SS18L1: variants seen among roughly 807,000 people sequenced by gnomAD.
SS18L1 encodes the protein calcium-responsive transactivator.
A neutral mutation model predicts 70.3 loss-of-function variants in SS18L1; 32 were observed. The observed-to-expected ratio is 0.46, with a 90% CI of 0.34 to 0.61. The LOEUF (loss-of-function observed/expected upper bound fraction) is 0.61, where lower values mean the gene tolerates loss of function less well. SS18L1 is among the 20% of genes least tolerant of loss of function. The pLI is 0.01. For synonymous variants in SS18L1, 237 were observed against 229.7 expected (o/e 1.03, Z -0.29); for missense variants, 430 against 542.1 (o/e 0.79, Z 2.05).
intron 1 of SS18L1, among the ~76,000 whole-genome samples, chr20:62,150,832 C>G (rs113437496): frequency 6.7e-6 from 1 of 150,294 alleles, no homozygotes. Flanking sequence ...TGTGGAGCAG[C>G]GGGAGCGAAA....
intron 7 of SS18L1, 128 bp from the exon 8 acceptor site, chr20:62,165,294 C>T (rs1164815386): frequency 1.2e-5 from 10 of 850,792 alleles, no homozygotes; most frequent in African/African-American, 6.7e-5. Flanking sequence ...TTGGGGAACA[C>T]GGGTCCTGCC....
At chr20:62,160,053 A>G in intron 3 of SS18L1, 92 bp downstream of exon 3, 2 of 1,337,964 alleles carry the variant, frequency 1.5e-6, no homozygotes, top group Non-Finnish European at 2.0e-6. Context: ...CTCAGGTAGC[A>G]AAGATGACTC....
At chr20:62,147,940 G>A (rs1165490090) in intron 1 of SS18L1, among the ~76,000 whole-genome samples, 1 of 152,174 alleles carries the variant, frequency 6.6e-6, no homozygotes, top group Non-Finnish European at 1.5e-5. Context: ...CACCCTGTGT[G>A]CTCCCTCAGA....
rs1321800741 is a variant in SS18L1 at position 62,159,877 on chromosome 20, G to A, written c.147G>A (p.Gln49=). ...QSKGKTAECT[Q]YQQILHRNLV... Reference sequence around the variant, plus strand: ...CTCATGCGTGCCCCCTCTCCTGCAGGTACCAGCAGATCCTGCACCGGAACC... The same window carrying A: ...CTCATGCGTGCCCCCTCTCCTGCAGATACCAGCAGATCCTGCACCGGAACC... Residue 49 remains glutamine (Q), a splice_region_variant and synonymous_variant, in exon 3 of 11, where the codon CAG becomes CAA. Transcript: ENST00000331758. This position sits in a 1 kb window ranked among gnomAD's most constrained non-coding sequence, Gnocchi z 4.4. 2.5e-6 allele frequency: 4 copies of A among 1,612,340 alleles called. No homozygotes were observed. Among genetic ancestry groups the A allele is most frequent in the Non-Finnish European group, 1.7e-6 (2 of 1,179,802 alleles).
At chr20:62,165,737 AGCCG>A (rs2057417316) in intron 8 of SS18L1, among the ~76,000 whole-genome samples, 1 of 151,724 alleles carries the variant, frequency 6.6e-6, no homozygotes, top group African/African-American at 2.4e-5. Flanking sequence ...GAAAGGATTC[AGCCG>A]GCCATGCTGG....
Position 62,174,522 on chromosome 20 carries a change from G to A in SS18L1, c.1042G>A (p.Ala348Thr). 3 of 1,613,976 alleles carry A rather than the reference G, an allele frequency of 1.9e-6. No homozygotes were observed. The highest frequency in any genetic ancestry group is 2.5e-6 in the Non-Finnish European group (3 of 1,179,984). The change falls in exon 10 of 11, where the codon GCC becomes ACC. Residue 348 changes from alanine to threonine, a missense_variant. Ala to Thr is a moderately conservative substitution (Grantham distance 58). Coordinates refer to ENST00000331758, the MANE Select transcript of SS18L1 (RefSeq NM_198935.3). This position sits in a 1 kb window ranked among gnomAD's most constrained non-coding sequence, Gnocchi z 4.1. ...GGTTCCTGGTGTCTTCTCAGGGTCT[G>A]CCCAGGGAGCCCCGTCACAGTACCC... is the stretch of plus-strand genomic sequence containing the variant. ...YPGQQQGYGS[A>T]QGAPSQYPGY...
intron 1 of SS18L1, among the ~76,000 whole-genome samples, chr20:62,154,892 G>A (rs1386920540): frequency 3.9e-5 from 6 of 152,128 alleles, no homozygotes; most frequent in African/African-American, 1.2e-4. Context: ...TTTTCACCTC[G>A]GTCGATCCGT....
chr20:62,171,761 G>A (rs1439858453), intron 8 of SS18L1, among the ~76,000 whole-genome samples: 1 of 152,260 alleles, frequency 6.6e-6, no homozygotes, highest in Non-Finnish European at 1.5e-5. Context: ...GCTTACGCCT[G>A]TAATCCCAGC....
chr20:62,164,243 G>A lies in SS18L1; in HGVS notation c.820G>A (p.Asp274Asn), dbSNP rs370493990. Residue 274 changes from aspartate (D) to asparagine (N), a missense_variant, in exon 7 of 11, where the codon GAC becomes AAC. Physicochemically the swap from Asp to Asn is conservative, Grantham distance 23. Transcript: ENST00000331758. ...AEPMGQQYYPDGHGDYAYQQS... is the reference protein window; with the variant it reads ...AEPMGQQYYPNGHGDYAYQQS... ...GCCCATGGGCCAGCAGTACTACCCC[G>A]ACGGTGAGCACTGGCGGCGGCCTGA... 1.1e-5 allele frequency: 17 copies of A among 1,546,894 alleles called. No homozygotes were observed. Among genetic ancestry groups the A allele is most frequent in the South Asian group, 4.8e-5 (4 of 83,684 alleles).
chr20:62,160,578 A>T (rs2057311260), intron 3 of SS18L1, among the ~76,000 whole-genome samples: 1 of 152,168 alleles, frequency 6.6e-6, no homozygotes, highest in Admixed American at 6.5e-5. Context: ...TTGATTTTTT[A>T]AAATGCATTT....
At chr20:62,164,983 C>T (rs569064801) in intron 7 of SS18L1, among the ~76,000 whole-genome samples, 2 of 152,224 alleles carry the variant, frequency 1.3e-5, no homozygotes, top group African/African-American at 2.4e-5. Context: ...TGGCCTCAGC[C>T]AGCAAGGGGC....
At position 62,180,003 on chromosome 20, in the gene SS18L1, T is replaced by C. The variant is rs1335248542; in HGVS notation, c.*795T>C. The C allele has an allele frequency of 4.5e-6, 1 of 221,766 alleles. No homozygotes were observed. Among genetic ancestry groups the C allele is most frequent in the Non-Finnish European group, 9.0e-6 (1 of 110,984 alleles). The allele number at this position is 221,766 out of a possible 1,614,324, so 13.7% of individuals were successfully genotyped here. ...AGGAAAGGGGCAGCTCTCTGGGAAGTGGGCCCTCAGAGATTACTCTGGCTT... is the reference window on the plus strand; with the variant it reads ...AGGAAAGGGGCAGCTCTCTGGGAAGCGGGCCCTCAGAGATTACTCTGGCTT... On this transcript the variant is annotated 3_prime_UTR_variant, in exon 11 of 11. Transcript: ENST00000331758.
rs141724130 is a variant in SS18L1 at position 62,145,035 on chromosome 20, G to T, written c.69+1146G>T. On this transcript the variant is annotated intron_variant, in intron 1 of 10. Transcript: ENST00000331758. ...CGCCTATTTTGAGACTACCTTTGCTGTTGCTAGTTTTAGAAATTTGATGGT... is the reference window on the plus strand; with the variant it reads ...CGCCTATTTTGAGACTACCTTTGCTTTTGCTAGTTTTAGAAATTTGATGGT... Among the ~76,000 whole-genome samples the T allele has an allele frequency of 1.2e-4, 19 of 152,354 alleles. No individual in the cohort carries two copies. The East Asian group carries it at 3.7e-3, about 29-fold the overall frequency.
intron 8 of SS18L1, among the ~76,000 whole-genome samples, chr20:62,169,736 G>C (rs1002505423): frequency 6.6e-6 from 1 of 151,736 alleles, no homozygotes; most frequent in South Asian, 2.1e-4. Flanking sequence ...CCAAGATCAC[G>C]CAACTGCACT....
At chr20:62,156,340 C>A (rs530968120) in intron 1 of SS18L1, among the ~76,000 whole-genome samples, 2 of 152,178 alleles carry the variant, frequency 1.3e-5, no homozygotes, top group Non-Finnish European at 2.9e-5. Context: ...GGAATGCTGG[C>A]GCCTGGCAGG....
At chr20:62,160,154 C>T (rs184410483) in intron 3 of SS18L1, among the ~76,000 whole-genome samples, 193 bp downstream of exon 3, 5 of 147,234 alleles carry the variant, frequency 3.4e-5, no homozygotes, top group Admixed American at 6.9e-5. Flanking sequence ...GTAATGACAG[C>T]GTCTGAGGTG....
At chr20:62,155,617 T>G in intron 1 of SS18L1, among the ~76,000 whole-genome samples, 1 of 152,176 alleles carries the variant, frequency 6.6e-6, no homozygotes, top group East Asian at 1.9e-4. Flanking sequence ...GCTCTTTCCC[T>G]TCAGTGCCCA....
Position 62,158,797 on chromosome 20 carries a change from C to A in SS18L1, c.146+49C>A. On this transcript the variant is annotated intron_variant, in intron 2 of 10. Coordinates refer to ENST00000331758, the MANE Select transcript of SS18L1 (RefSeq NM_198935.3). The surrounding 1 kb of genome is among the most constrained non-coding windows in gnomAD (Gnocchi z 4.5). The stretch of plus-strand genomic sequence containing the variant: ...ACACTTGGAGGGTGTCATGCAGAGT[C>A]TAAGCACAGAGGCCAGATACGTCCC... The A allele has an allele frequency of 6.2e-7, 1 of 1,612,766 alleles. No homozygotes were observed. Among genetic ancestry groups the A allele is most frequent in the South Asian group, 1.1e-5 (1 of 91,050 alleles).
At chr20:62,168,476 A>C (rs1021962796) in intron 8 of SS18L1, among the ~76,000 whole-genome samples, 2 of 152,120 alleles carry the variant, frequency 1.3e-5, no homozygotes, top group African/African-American at 4.8e-5. Flanking sequence ...GGAATGGGTC[A>C]AAGGCACCAT....
Sources: gnomAD v4.1 joint callset for allele counts (sites outside exome capture counted in the v4.1 genomes callset) on GRCh38, gnomAD v4.1.1 for gene constraint, Gnocchi (gnomAD v3.1) non-coding constraint, MANE v1.5 for transcripts, NCBI Gene and HGNC (gene_info 2026-07-23, HGNC 2026-07-21) for gene names.